Variants in MSI2 observed in about 807,000 individuals in gnomAD.
MSI2 encodes the protein musashi RNA binding protein 2.
A neutral mutation model predicts 45.6 loss-of-function variants in MSI2; 17 were observed. That is an observed-to-expected ratio of 0.37 (90% CI 0.26 to 0.56). The LOEUF (loss-of-function observed/expected upper bound fraction) is 0.56. Among genes scored for constraint, MSI2 ranks in the 20% least tolerant of loss-of-function variants. The pLI, the probability that MSI2 is intolerant of heterozygous loss-of-function variation, is 0.77. For missense variants in MSI2, 293 were observed against 444.2 expected, an observed-to-expected ratio of 0.66 and a Z score of 3.06; for synonymous variants, 156 against 158.2, an observed-to-expected ratio of 0.99 and a Z score of 0.11.
intron 7 of MSI2, among the ~76,000 whole-genome samples, chr17:57,562,948 GTT>G (rs199712392): frequency 0.021 from 3,233 of 151,934 alleles, 50 homozygotes; most frequent in Middle Eastern, 0.082. Context: ...AAATACAAAA[GTT>G]AGCCAGGTGT....
intron 11 of MSI2, among the ~76,000 whole-genome samples, chr17:57,659,011 T>C (rs1419986607): frequency 6.6e-6 from 1 of 151,966 alleles, no homozygotes; most frequent in Non-Finnish European, 1.5e-5. Flanking sequence ...TGTGCCCGGG[T>C]GTATCATTCA....
intron 5 of MSI2, among the ~76,000 whole-genome samples, chr17:57,327,847 C>T (rs1175909737): frequency 3.9e-5 from 6 of 152,074 alleles, no homozygotes; most frequent in Admixed American, 6.6e-5. Context: ...GAGACATTTG[C>T]CCTTGACTGC....
chr17:57,258,886 A>G (rs1433820516), intron 4 of MSI2, among the ~76,000 whole-genome samples: 1 of 152,124 alleles, frequency 6.6e-6, no homozygotes, highest in Non-Finnish European at 1.5e-5. Flanking sequence ...CTGGGCATCC[A>G]CTGGGGTGAC....
chr17:57,653,115 G>C (rs964919187), intron 11 of MSI2, among the ~76,000 whole-genome samples: 29 of 152,170 alleles, frequency 1.9e-4, no homozygotes, highest in African/African-American at 6.8e-4. Flanking sequence ...GCAGGGTGGG[G>C]GGCTGGTGAG....
intron 10 of MSI2, among the ~76,000 whole-genome samples, chr17:57,635,152 A>G (rs1909744342): frequency 6.6e-6 from 1 of 152,252 alleles, no homozygotes; most frequent in South Asian, 2.1e-4. Context: ...GACTGTGAGT[A>G]GTTCAGTGCA....
At chr17:57,635,925 C>T (rs1909800438) in intron 10 of MSI2, among the ~76,000 whole-genome samples, 1 of 152,146 alleles carries the variant, frequency 6.6e-6, no homozygotes, top group Admixed American at 6.5e-5. Flanking sequence ...ATGTAGCTTG[C>T]CTTCTATATT....
chr17:57,585,001 A>G (rs1002371689), intron 7 of MSI2, among the ~76,000 whole-genome samples: 57 of 151,998 alleles, frequency 3.8e-4, no homozygotes, highest in African/African-American at 1.2e-3. Context: ...TATTTTTAGT[A>G]GAGACGGGGT....
chr17:57,310,784 G>C (rs1353814479), intron 5 of MSI2, among the ~76,000 whole-genome samples: 6 of 152,164 alleles, frequency 3.9e-5, no homozygotes, highest in Non-Finnish European at 7.3e-5. Context: ...CATGGATGCT[G>C]TGCAGATAGA....
intron 7 of MSI2, among the ~76,000 whole-genome samples, chr17:57,589,059 T>A (rs1904576642): frequency 6.6e-6 from 1 of 152,190 alleles, no homozygotes; most frequent in Non-Finnish European, 1.5e-5. Flanking sequence ...ATAACCACCT[T>A]TGGGAAGCAG....
chr17:57,508,379 G>T (rs2086282425), intron 6 of MSI2, among the ~76,000 whole-genome samples: 1 of 152,114 alleles, frequency 6.6e-6, no homozygotes, highest in Non-Finnish European at 1.5e-5. Flanking sequence ...TTCTTTCCCT[G>T]TCCTGCCCAC....
chr17:57,446,811 A>G (rs1162167279), intron 6 of MSI2, among the ~76,000 whole-genome samples: 1 of 152,232 alleles, frequency 6.6e-6, no homozygotes, highest in African/African-American at 2.4e-5. Context: ...AGGAACCCAC[A>G]CGGACAAAAG....
chr17:57,510,309 C>T (rs1242989962), intron 6 of MSI2, among the ~76,000 whole-genome samples: 2 of 151,714 alleles, frequency 1.3e-5, no homozygotes, highest in African/African-American at 2.4e-5. Flanking sequence ...GGAGCCCTCT[C>T]GTTTCTTCCT....
chr17:57,570,287 G>C (rs892419668), intron 7 of MSI2, among the ~76,000 whole-genome samples: 3 of 152,114 alleles, frequency 2.0e-5, no homozygotes, highest in African/African-American at 7.2e-5. Context: ...GGACATCCCT[G>C]TCTTTTAAAA....
intron 6 of MSI2, among the ~76,000 whole-genome samples, chr17:57,479,216 C>A (rs1201031911): frequency 7.2e-5 from 11 of 152,152 alleles, no homozygotes; most frequent in Admixed American, 7.2e-4. Flanking sequence ...ACTCTGAGAC[C>A]AGCCCCACAG....
At chr17:57,662,288 G>A (rs1235751779) in intron 11 of MSI2, among the ~76,000 whole-genome samples, 1 of 152,188 alleles carries the variant, frequency 6.6e-6, no homozygotes, top group Non-Finnish European at 1.5e-5. Context: ...CCGTGGTATA[G>A]GCTAAGAGGG....
intron 5 of MSI2, among the ~76,000 whole-genome samples, chr17:57,381,615 A>T (rs758904601): frequency 6.6e-6 from 1 of 152,166 alleles, no homozygotes; most frequent in African/African-American, 2.4e-5. Context: ...ACTTTCTGTG[A>T]TGGAGGAAAT....
At chr17:57,337,335 G>A (rs9907513) in intron 5 of MSI2, among the ~76,000 whole-genome samples, 1 of 152,150 alleles carries the variant, frequency 6.6e-6, no homozygotes, top group African/African-American at 2.4e-5. Context: ...ATTGACCCCA[G>A]GAACCCCTTT....
intron 5 of MSI2, among the ~76,000 whole-genome samples, chr17:57,329,320 A>T (rs754469861): frequency 5.9e-5 from 9 of 152,242 alleles, no homozygotes; most frequent in Non-Finnish European, 1.2e-4. Flanking sequence ...AAAGACAAGT[A>T]AATAATTTTT....
chr17:57,459,570 C>G (rs1009274022), intron 6 of MSI2, among the ~76,000 whole-genome samples: 6 of 152,180 alleles, frequency 3.9e-5, no homozygotes, highest in Admixed American at 3.9e-4. Flanking sequence ...AGCTTTTAGT[C>G]ACTACTGTCA....
Sources: allele counts gnomAD v4.1 joint callset (sites outside exome capture counted in the v4.1 genomes callset), GRCh38; gene constraint gnomAD v4.1.1; transcripts MANE v1.5; gene names NCBI Gene and HGNC (gene_info 2026-07-23, HGNC 2026-07-21).